Variants in CDH13 observed in about 807,000 individuals in gnomAD.
CDH13 encodes the protein cadherin 13.
In CDH13, 24 loss-of-function variants were observed where a neutral mutation model predicts 63.8. The ratio of observed to expected loss-of-function variants is 0.38; its 90% confidence interval spans 0.27 to 0.53. The LOEUF (loss-of-function observed/expected upper bound fraction) is 0.53, where lower values mean the gene tolerates loss of function less well. Ranked by LOEUF, CDH13 falls within the 20% of genes least tolerant of loss-of-function variation. The pLI, the probability that CDH13 is intolerant of heterozygous loss-of-function variation, is 0.85. For missense variants in CDH13, 1,049 were observed against 903.1 expected (o/e 1.16, Z -2.07); for synonymous variants, 503 against 355.3 (o/e 1.42, Z -4.67).
At chr16:83,134,873 G>A (rs1207033662) in intron 4 of CDH13, among the ~76,000 whole-genome samples, 1 of 152,100 alleles carries the variant, frequency 6.6e-6, no homozygotes, top group African/African-American at 2.4e-5. Context: ...CGCAAATAAA[G>A]GCATCTGAGC....
At chr16:83,335,894 C>T (rs1011443404) in intron 5 of CDH13, among the ~76,000 whole-genome samples, 1 of 152,126 alleles carries the variant, frequency 6.6e-6, no homozygotes, top group East Asian at 1.9e-4. Context: ...GCTCTTGAGA[C>T]AGGAATCTTG....
At chr16:82,654,844 T>C (rs1911121065) in intron 1 of CDH13, among the ~76,000 whole-genome samples, 1 of 152,140 alleles carries the variant, frequency 6.6e-6, no homozygotes, top group African/African-American at 2.4e-5. Flanking sequence ...GTGCCTGGCC[T>C]TGTGCTAAAG....
intron 5 of CDH13, among the ~76,000 whole-genome samples, chr16:83,307,469 A>C (rs978319823): frequency 6.6e-6 from 1 of 152,284 alleles, no homozygotes; most frequent in African/African-American, 2.4e-5. Flanking sequence ...ACTTGTCTGT[A>C]GTTGTGTGGG....
chr16:83,481,091 G>T (rs2073750133), intron 6 of CDH13, among the ~76,000 whole-genome samples: 1 of 152,170 alleles, frequency 6.6e-6, no homozygotes, highest in Admixed American at 6.5e-5. Flanking sequence ...TGACAACGAT[G>T]TGCCATTTTG....
At chr16:83,707,616 A>G (rs766272386) in intron 10 of CDH13, among the ~76,000 whole-genome samples, 6 of 152,038 alleles carry the variant, frequency 3.9e-5, no homozygotes, top group East Asian at 1.9e-4. Context: ...ACTCTTCCCT[A>G]TTCTGGCTGA....
intron 11 of CDH13, among the ~76,000 whole-genome samples, chr16:83,756,504 GC>G (rs1173200247): frequency 6.6e-6 from 1 of 152,216 alleles, no homozygotes; most frequent in Non-Finnish European, 1.5e-5. Context: ...TTTGAATGCG[GC>G]CCAACACAAA....
chr16:83,444,386 T>C (rs149513476), intron 6 of CDH13, among the ~76,000 whole-genome samples: 3 of 152,318 alleles, frequency 2.0e-5, no homozygotes, highest in Non-Finnish European at 2.9e-5. Flanking sequence ...TTTAAAGATA[T>C]TGAAACTGAA....
At chr16:83,132,734 T>A (rs940466620) in intron 4 of CDH13, among the ~76,000 whole-genome samples, 3 of 152,096 alleles carry the variant, frequency 2.0e-5, no homozygotes, top group African/African-American at 7.2e-5. Flanking sequence ...AATTTCCCCC[T>A]TTTAAGGCAA....
At chr16:82,746,655 C>G (rs183595571) in intron 1 of CDH13, among the ~76,000 whole-genome samples, 2 of 152,110 alleles carry the variant, frequency 1.3e-5, no homozygotes, top group African/African-American at 4.8e-5. Context: ...ATTTTCTTCT[C>G]AAGTAAGTGG....
At chr16:82,961,122 A>C (rs1280949360) in intron 2 of CDH13, among the ~76,000 whole-genome samples, 6 of 152,178 alleles carry the variant, frequency 3.9e-5, no homozygotes, top group Non-Finnish European at 7.4e-5. Flanking sequence ...AGCTGGCGCC[A>C]GCACGGAGCA....
intron 5 of CDH13, among the ~76,000 whole-genome samples, chr16:83,264,153 G>A (rs982079535): frequency 6.6e-6 from 1 of 152,184 alleles, no homozygotes; most frequent in South Asian, 2.1e-4. Context: ...AGCAGACATA[G>A]GGTATAAATT....
At chr16:82,946,259 G>A (rs1327029924) in intron 2 of CDH13, among the ~76,000 whole-genome samples, 1 of 151,982 alleles carries the variant, frequency 6.6e-6, no homozygotes, top group Admixed American at 6.6e-5. Flanking sequence ...TGGATAAATG[G>A]ATGTGGGAGG....
intron 2 of CDH13, among the ~76,000 whole-genome samples, chr16:82,878,062 C>G (rs983350385): frequency 4.6e-5 from 7 of 151,904 alleles, no homozygotes; most frequent in East Asian, 3.9e-4. Context: ...ATATGTGCAG[C>G]TTTGAAATGT....
At chr16:82,960,760 T>A (rs1906848275) in intron 2 of CDH13, among the ~76,000 whole-genome samples, 1 of 152,128 alleles carries the variant, frequency 6.6e-6, no homozygotes, top group African/African-American at 2.4e-5. Context: ...TATAAGGACG[T>A]CATAGAGAAG....
At chr16:83,148,390 C>T (rs919005831) in intron 4 of CDH13, among the ~76,000 whole-genome samples, 3 of 152,156 alleles carry the variant, frequency 2.0e-5, no homozygotes, top group Non-Finnish European at 4.4e-5. Flanking sequence ...GCTCATCCCT[C>T]CATGATTTGC....
chr16:82,737,688 A>T (rs112257548), intron 1 of CDH13, among the ~76,000 whole-genome samples: 6 of 152,282 alleles, frequency 3.9e-5, no homozygotes, highest in African/African-American at 1.2e-4. Context: ...GCCTGGCAGA[A>T]CCTGCCCTTA....
intron 6 of CDH13, among the ~76,000 whole-genome samples, chr16:83,389,835 G>A (rs2091750893): frequency 6.6e-6 from 1 of 152,248 alleles, no homozygotes; most frequent in South Asian, 2.1e-4. Flanking sequence ...TTCAGCAGCA[G>A]CAGAAGAGTT....
At chr16:83,499,512 A>C (rs983853945) in intron 7 of CDH13, among the ~76,000 whole-genome samples, 2 of 152,228 alleles carry the variant, frequency 1.3e-5, no homozygotes, top group African/African-American at 4.8e-5. Flanking sequence ...AACCATAATT[A>C]TGATTTGCAT....
In CDH13 at chr16:83,275,243, G is replaced by C. The variant is rs149002708; in HGVS notation, c.636+57746G>C. On this transcript the variant is annotated intron_variant, in intron 5 of 13. Coordinates refer to ENST00000567109, the MANE Select transcript of CDH13 (RefSeq NM_001257.5). ...AGAGATGCTGGGCCACATAACTTGA[G>C]ATAATATTGACATTCTTTTTTGCTA... 1.9e-4 allele frequency among the ~76,000 whole-genome samples: 29 copies of C among 152,156 alleles called. No individual in the cohort carries two copies. The East Asian group carries it at 5.6e-3, about 29-fold the overall frequency.
Sources: allele counts gnomAD v4.1 joint callset (sites outside exome capture counted in the v4.1 genomes callset), GRCh38; gene constraint gnomAD v4.1.1; transcripts MANE v1.5; gene names NCBI Gene and HGNC (gene_info 2026-07-23, HGNC 2026-07-21).